The following KLRG1 variants were observed in gnomAD, a reference collection of about 807,000 sequenced individuals.
KLRG1 encodes the protein killer cell lectin like receptor G1.
KLRG1 carries 16 observed loss-of-function variants against 21.8 expected under a neutral mutation model. The ratio of observed to expected loss-of-function variants is 0.73; its 90% confidence interval spans 0.50 to 1.11. The LOEUF (loss-of-function observed/expected upper bound fraction) is 1.11, where lower values mean the gene tolerates loss of function less well. KLRG1 is among the 50% of genes most tolerant of loss of function. KLRG1 has a pLI of 0.00. For missense variants in KLRG1, 173 were observed against 218.3 expected (o/e 0.79, Z 1.31); for synonymous variants, 69 against 75.9 (o/e 0.91, Z 0.47).
At chr12:9,028,914 A>G in the KLRG1 span, 1 of 636,682 alleles carries the variant, frequency 1.6e-6, no homozygotes, top group South Asian at 1.4e-5. Flanking sequence ...CATATGTGAC[A>G]AACCCAAAGC....
At chr12:8,973,459 A>G (rs1946605512) in intron 1 of KLRG1, among the ~76,000 whole-genome samples, 1 of 152,172 alleles carries the variant, frequency 6.6e-6, no homozygotes, top group African/African-American at 2.4e-5. Context: ...CCTTCTGCCC[A>G]TATGAGAACA....
the KLRG1 span, chr12:9,101,586 A>G: frequency 6.2e-7 from 1 of 1,613,954 alleles, no homozygotes; most frequent in South Asian, 1.1e-5. Flanking sequence ...GCTTGGGGAG[A>G]ACACAAGATA....
At chr12:9,109,210 A>C in the KLRG1 span, 12 of 734,202 alleles carry the variant, frequency 1.6e-5, no homozygotes, top group East Asian at 2.9e-4. Context: ...CTGTCAAAGC[A>C]CTTAAAATTT....
the KLRG1 span, among the ~76,000 whole-genome samples, chr12:9,019,315 T>C: frequency 3.3e-5 from 5 of 152,338 alleles, no homozygotes; most frequent in Middle Eastern, 3.4e-3. Flanking sequence ...CATACACTGT[T>C]GGTTGGAGTG....
chr12:8,992,189 T>C lies in KLRG1; in HGVS notation c.83-17T>C. 1 of 1,595,394 alleles carries C rather than the reference T, an allele frequency of 6.3e-7. No homozygotes were observed. Among genetic ancestry groups the C allele is most frequent in the Non-Finnish European group, 8.5e-7 (1 of 1,169,704 alleles). On this transcript the variant is annotated splice_polypyrimidine_tract_variant and intron_variant, in intron 1 of 4. Coordinates refer to ENST00000356986, the MANE Select transcript of KLRG1 (RefSeq NM_005810.4). ...TGTCATCTGACTCAGGATTGTGCTTTGACTCTGTTGTTGCAGCTTCCTCTT... is the reference window on the plus strand; with the variant it reads ...TGTCATCTGACTCAGGATTGTGCTTCGACTCTGTTGTTGCAGCTTCCTCTT...
the KLRG1 span, among the ~76,000 whole-genome samples, chr12:9,116,979 T>G: frequency 6.6e-6 from 1 of 152,056 alleles, no homozygotes; most frequent in Non-Finnish European, 1.5e-5. Flanking sequence ...TGGGAGCACA[T>G]AAGAGAGCAC....
At chr12:9,095,290 T>C in the KLRG1 span, among the ~76,000 whole-genome samples, 1 of 152,238 alleles carries the variant, frequency 6.6e-6, no homozygotes, top group Non-Finnish European at 1.5e-5. Flanking sequence ...ATTTTGTATA[T>C]GTGATTTTAA....
At chr12:8,972,048 G>T (rs1486914260) in intron 1 of KLRG1, among the ~76,000 whole-genome samples, 1 of 152,098 alleles carries the variant, frequency 6.6e-6, no homozygotes, top group Non-Finnish European at 1.5e-5. Context: ...TGTTGTCTGT[G>T]CTTTTGGTGT....
At chr12:9,072,489 A>G in the KLRG1 span, 21 of 1,608,512 alleles carry the variant, frequency 1.3e-5, no homozygotes, top group Middle Eastern at 1.7e-4. Flanking sequence ...AAGGATGTCT[A>G]TAGAACATCA....
the KLRG1 span, chr12:9,106,531 C>A: frequency 3.1e-6 from 5 of 1,598,628 alleles, no homozygotes; most frequent in Admixed American, 6.9e-5. Context: ...TGTGAAGTTT[C>A]ATTTCATACT....
At chr12:9,196,184 G>A in the KLRG1 span, 1 of 543,404 alleles carries the variant, frequency 1.8e-6, no homozygotes. Flanking sequence ...GTGATATTTA[G>A]AAAGGAAAGT....
At chr12:9,098,462 A>G in the KLRG1 span, 5 of 708,542 alleles carry the variant, frequency 7.1e-6, no homozygotes, top group South Asian at 1.8e-4. Context: ...TTCCTTACCA[A>G]TGAAAGCCCA....
the KLRG1 span, chr12:9,127,864 G>T: frequency 3.9e-6 from 1 of 257,966 alleles, no homozygotes. Context: ...GGGCCCCGGG[G>T]CCCCGGCAAT....
chr12:9,043,523 A>G, the KLRG1 span, among the ~76,000 whole-genome samples: 2 of 152,258 alleles, frequency 1.3e-5, no homozygotes, highest in South Asian at 2.1e-4. Flanking sequence ...GCTTAAGAAG[A>G]TGAGGCTTTT....
chr12:8,998,715 A>G (rs1947215608), intron 3 of KLRG1, among the ~76,000 whole-genome samples: 1 of 151,308 alleles, frequency 6.6e-6, no homozygotes, highest in South Asian at 2.1e-4. Flanking sequence ...ATCCACATCA[A>G]CTCACCTTCA....
At chr12:8,977,370 A>ATTT (rs1229287155) in intron 1 of KLRG1, among the ~76,000 whole-genome samples, 68 of 127,794 alleles carry the variant, frequency 5.3e-4, no homozygotes, top group South Asian at 7.6e-4. Flanking sequence ...TGCCTGGCTA[A>ATTT]TTTTTTTTTT....
At chr12:9,180,941 T>C in the KLRG1 span, 1 of 1,579,930 alleles carries the variant, frequency 6.3e-7, no homozygotes. Flanking sequence ...TCTGAGCCTC[T>C]GGAATGGCCC....
At chr12:8,965,349 A>G (rs577988558) in intron 1 of KLRG1, among the ~76,000 whole-genome samples, 2 of 151,316 alleles carry the variant, frequency 1.3e-5, no homozygotes, top group South Asian at 2.1e-4. Flanking sequence ...CAATCAGGCA[A>G]GAGAAGGAAA....
At chr12:9,030,900 T>C in the KLRG1 span, among the ~76,000 whole-genome samples, 2 of 152,184 alleles carry the variant, frequency 1.3e-5, no homozygotes, top group Admixed American at 6.5e-5. Context: ...GGATGTTCTA[T>C]GTAAAGGTTG....
Sources: allele counts gnomAD v4.1 joint callset (sites outside exome capture counted in the v4.1 genomes callset), GRCh38; gene constraint gnomAD v4.1.1; transcripts MANE v1.5; gene names NCBI Gene and HGNC (gene_info 2026-07-23, HGNC 2026-07-21).